Variants in PEX14 observed in about 807,000 individuals in gnomAD.
PEX14 encodes the protein peroxisomal biogenesis factor 14.
In PEX14, 15 loss-of-function variants were observed where a neutral mutation model predicts 49.5. The observed-to-expected ratio is 0.30, with a 90% CI of 0.20 to 0.47. The LOEUF (loss-of-function observed/expected upper bound fraction) is 0.47, where lower values mean the gene tolerates loss of function less well. PEX14 is among the 20% of genes least tolerant of loss of function. The probability of loss-of-function intolerance (pLI) is 1.00; values close to 1 mark genes in which losing one functional copy is unlikely to be tolerated. For missense variants in PEX14, 398 were observed against 494.8 expected (o/e 0.80, Z 1.86); for synonymous variants, 210 against 212.7 (o/e 0.99, Z 0.11).
At chr1:10,624,316 G>T (rs776139694) in intron 6 of PEX14, 24 bp from the exon 7 acceptor site, 1 of 1,508,576 alleles carries the variant, frequency 6.6e-7, no homozygotes, top group Non-Finnish European at 9.2e-7. Flanking sequence ...ATTTGCCAGC[G>T]CCGTGACTGC....
chr1:10,505,018 T>C (rs534880524), intron 2 of PEX14, among the ~76,000 whole-genome samples: 5 of 152,034 alleles, frequency 3.3e-5, no homozygotes, highest in African/African-American at 7.2e-5. Context: ...ACTCCTGACC[T>C]CAAGTGATTT....
At chr1:10,552,376 A>G (rs1256243016) in intron 3 of PEX14, among the ~76,000 whole-genome samples, 1 of 152,208 alleles carries the variant, frequency 6.6e-6, no homozygotes, top group Admixed American at 6.5e-5. Context: ...TGGGAGGCGG[A>G]GTTTACAGTG....
In PEX14 at chr1:10,529,275, G is replaced by A. The variant is rs1638576652; in HGVS notation, c.85-6938G>A. On this transcript the variant is annotated intron_variant, in intron 2 of 8. Coordinates refer to ENST00000356607, the MANE Select transcript of PEX14 (RefSeq NM_004565.3). This position sits in a 1 kb window ranked among gnomAD's most constrained non-coding sequence, Gnocchi z 4.2. ...GCGTGTACTCCACAGCTCCTTCTGT[G>A]GCGTGGTGACCGTCACCCGCTGCAT... 6.6e-6 allele frequency among the ~76,000 whole-genome samples: 1 copy of A among 152,168 alleles called. No homozygotes were observed. Among genetic ancestry groups the A allele is most frequent in the African/African-American group, 2.4e-5 (1 of 41,434 alleles).
At chr1:10,592,843 T>C (rs1158148926) in intron 3 of PEX14, among the ~76,000 whole-genome samples, 1 of 152,254 alleles carries the variant, frequency 6.6e-6, no homozygotes, top group Non-Finnish European at 1.5e-5. Context: ...AAGCGGCCTT[T>C]TGTGTGTCTC....
chr1:10,538,204 A>G (rs571829538), intron 3 of PEX14, among the ~76,000 whole-genome samples: 5 of 152,338 alleles, frequency 3.3e-5, no homozygotes, highest in African/African-American at 1.2e-4. Flanking sequence ...CGGGGTGAGG[A>G]ATGCCAGAGT....
intron 3 of PEX14, among the ~76,000 whole-genome samples, chr1:10,563,191 C>T (rs1406069561): frequency 1.3e-5 from 2 of 148,666 alleles, no homozygotes; most frequent in South Asian, 4.5e-4. Flanking sequence ...GTTGGGATTA[C>T]AGGCGTGAGC....
intron 3 of PEX14, among the ~76,000 whole-genome samples, chr1:10,579,837 A>C (rs1338807467): frequency 6.6e-6 from 1 of 151,992 alleles, no homozygotes; most frequent in Non-Finnish European, 1.5e-5. Flanking sequence ...TCTTATCAGC[A>C]AGGTCTTTAT....
At chr1:10,482,059 A>T (rs1344025167) in intron 1 of PEX14, among the ~76,000 whole-genome samples, 1 of 152,094 alleles carries the variant, frequency 6.6e-6, no homozygotes, top group Non-Finnish European at 1.5e-5. Context: ...TCCTGAGCTC[A>T]ACCAGTCTGC....
chr1:10,500,512 A>T (rs143851017), intron 2 of PEX14, among the ~76,000 whole-genome samples: 120 of 151,988 alleles, frequency 7.9e-4, no homozygotes, highest in African/African-American at 2.8e-3. Flanking sequence ...TTGTGGTTAG[A>T]ATACTTTGGT....
intron 1 of PEX14, among the ~76,000 whole-genome samples, chr1:10,485,834 C>T (rs1641358109): frequency 6.6e-6 from 1 of 150,544 alleles, no homozygotes; most frequent in African/African-American, 2.5e-5. Flanking sequence ...TGGCGCACTG[C>T]AACCCCCGCC....
chr1:10,606,458 C>T (rs570120200), intron 4 of PEX14, among the ~76,000 whole-genome samples: 4 of 152,290 alleles, frequency 2.6e-5, no homozygotes, highest in African/African-American at 9.6e-5. Context: ...GTCCTGATCT[C>T]GTCAGCACAT....
At chr1:10,541,237 T>C (rs1209628894) in intron 3 of PEX14, among the ~76,000 whole-genome samples, 1 of 152,154 alleles carries the variant, frequency 6.6e-6, no homozygotes, top group African/African-American at 2.4e-5. Context: ...ACCCTGAAGT[T>C]CCCATGTTGT....
intron 2 of PEX14, among the ~76,000 whole-genome samples, chr1:10,508,487 G>A (rs1186465416): frequency 2.0e-5 from 3 of 152,164 alleles, no homozygotes; most frequent in Non-Finnish European, 2.9e-5. Flanking sequence ...TGCCGCGCCC[G>A]GCCTTGGATG....
chr1:10,612,997 C>T (rs547521440), intron 4 of PEX14, among the ~76,000 whole-genome samples: 1 of 152,354 alleles, frequency 6.6e-6, no homozygotes, highest in East Asian at 1.9e-4. Context: ...GAGTTCTCTC[C>T]CTCTTGTCAG....
At chr1:10,544,945 G>A (rs1197464333) in intron 3 of PEX14, among the ~76,000 whole-genome samples, 27 of 152,006 alleles carry the variant, frequency 1.8e-4, no homozygotes, top group Admixed American at 1.4e-3. Flanking sequence ...TTGTATTTTG[G>A]GGAGATAGGG....
At chr1:10,582,236 C>T (rs559701192) in intron 3 of PEX14, among the ~76,000 whole-genome samples, 66 of 151,798 alleles carry the variant, frequency 4.3e-4, no homozygotes, top group Non-Finnish European at 7.5e-4. Flanking sequence ...ATATATCTTA[C>T]AGCTATTGAA....
rs1291914686 is a variant in PEX14, at chr1:10,495,354, A to G, written c.84+33A>G. ...CCCAAGATATGTGGTATCACTTTCTAGTAATTAAAATGCCACGCGAGTGAA... is the reference window on the plus strand; with the variant it reads ...CCCAAGATATGTGGTATCACTTTCTGGTAATTAAAATGCCACGCGAGTGAA... On this transcript the variant is annotated intron_variant, in intron 2 of 8. Coordinates refer to ENST00000356607, the MANE Select transcript of PEX14 (RefSeq NM_004565.3). This position sits in a 1 kb window ranked among gnomAD's most constrained non-coding sequence, Gnocchi z 4.2. 2.6e-6 allele frequency: 4 copies of G among 1,565,322 alleles called. No homozygotes were observed. The South Asian group carries it at 4.5e-5, about 17-fold the overall frequency.
chr1:10,530,652 A>C (rs1167070462), intron 2 of PEX14, among the ~76,000 whole-genome samples: 2 of 152,116 alleles, frequency 1.3e-5, no homozygotes, highest in African/African-American at 4.8e-5. Flanking sequence ...CTTCCTCTGC[A>C]TATTAACTTT....
intron 3 of PEX14, among the ~76,000 whole-genome samples, chr1:10,590,215 G>T (rs775813776): frequency 6.6e-6 from 1 of 152,104 alleles, no homozygotes; most frequent in Non-Finnish European, 1.5e-5. Flanking sequence ...AAACAGAACC[G>T]TGAGCCTGCA....
Sources: allele counts gnomAD v4.1 joint callset (sites outside exome capture counted in the v4.1 genomes callset), GRCh38; gene constraint gnomAD v4.1.1; non-coding constraint Gnocchi (gnomAD v3.1); transcripts MANE v1.5; gene names NCBI Gene and HGNC (gene_info 2026-07-23, HGNC 2026-07-21).